LCAT: variants seen among roughly 807,000 people sequenced by gnomAD.
LCAT encodes lecithin-cholesterol acyltransferase.
In LCAT, 15 loss-of-function variants were observed where a neutral mutation model predicts 41.0. That is an observed-to-expected ratio of 0.37 (90% CI 0.24 to 0.56). The LOEUF (loss-of-function observed/expected upper bound fraction) is 0.56. Ranked by LOEUF, LCAT falls within the 20% of genes least tolerant of loss-of-function variation. The pLI, the probability that LCAT is intolerant of heterozygous loss-of-function variation, is 0.81. For synonymous variants in LCAT, 248 were observed against 245.4 expected, an observed-to-expected ratio of 1.01 and a Z score of -0.10; for missense variants, 449 against 595.1, an observed-to-expected ratio of 0.75 and a Z score of 2.55.
At position 67,943,783 on chromosome 16, in the gene LCAT, C is replaced by T. The variant is rs2058309481; in HGVS notation, c.154+165G>A. On this transcript the variant is annotated intron_variant, in intron 1 of 5. Transcript: ENST00000264005. This position sits in a 1 kb window ranked among gnomAD's most constrained non-coding sequence, Gnocchi z 4.6. Reference sequence around the variant, plus strand: ...CACAGTGTGGTGGGAGAAGGGACGTCATTCCTCTAAGGGACAAGCTTTTGG... The same window carrying T: ...CACAGTGTGGTGGGAGAAGGGACGTTATTCCTCTAAGGGACAAGCTTTTGG... 1.5e-6 allele frequency: 1 copy of T among 665,288 alleles called. No homozygotes were observed. The highest frequency in any genetic ancestry group is 2.5e-6 in the Non-Finnish European group (1 of 397,642). 41.2% of individuals were successfully genotyped at this position (665,288 alleles called of 1,614,324 possible).
At position 67,942,984 on chromosome 16, in the gene LCAT, G is replaced by T; in HGVS notation, c.312-8C>A. ...CTCCGGTTGTAGACAACCCTGCGGG[G>T]CGGGGGTGCCACTCAGCAGCCAGTA... On this transcript the variant is annotated splice_region_variant and splice_polypyrimidine_tract_variant and intron_variant, in intron 2 of 5. Transcript: ENST00000264005. This position sits in a 1 kb window ranked among gnomAD's most constrained non-coding sequence, Gnocchi z 6.6. 1 of 1,613,798 alleles carries T rather than the reference G, an allele frequency of 6.2e-7. No homozygotes were observed. The highest frequency in any genetic ancestry group is 8.5e-7 in the Non-Finnish European group (1 of 1,179,930).
chr16:67,941,912 T>G (rs2058293428), intron 5 of LCAT: 2 of 1,134,662 alleles, frequency 1.8e-6, no homozygotes, highest in East Asian at 6.3e-5. Context: ...GGGTGGGGAG[T>G]AGGTGGTAGC....
rs762281391 is a variant in LCAT, at chr16:67,939,951, G to T, written c.1276C>A (p.Pro426Thr). 6.2e-7 allele frequency: 1 copy of T among 1,613,590 alleles called. No homozygotes were observed. Among genetic ancestry groups the T allele is most frequent in the South Asian group, 1.1e-5 (1 of 91,088 alleles). ...AILLGAYRQG[P>T]PASPTASPEP... ...GGGCTGGCAGTCGGGGATGCAGGGG[G>T]ACCCTGGCGGTAGGCACCCAGCAGG... The change falls in exon 6 of 6, where the codon CCC (proline) becomes ACC (threonine). Residue 426 changes from proline (P) to threonine (T), a missense_variant. Transcript: ENST00000264005.
At position 67,942,892 on chromosome 16, in the gene LCAT, AG is replaced by A; in HGVS notation, c.395del (p.Ser132LeufsTer132). 1 of 1,613,804 alleles carries A rather than the reference AG, an allele frequency of 6.2e-7. No individual in the cohort carries two copies. On this transcript the variant is annotated frameshift_variant, in exon 3 of 6. Coordinates refer to ENST00000264005, the MANE Select transcript of LCAT (RefSeq NM_000229.2). LOFTEE classifies it high-confidence loss of function. This position sits in a 1 kb window ranked among gnomAD's most constrained non-coding sequence, Gnocchi z 6.6. The stretch of plus-strand genomic sequence containing the variant: ...GCTTGCTGCTGTCCAGGTACTCCAC[AG>A]AGTAGGTCTTGCCAAAGCCAGGGAC... Reference protein sequence around the residue: ...IRVPGFGKTYSVEYLDSSKLA... With the variant: ...IRVPGFGKTYXVEYLDSSKLA...
At position 67,940,388 on chromosome 16, in the gene LCAT, C is replaced by G; in HGVS notation, c.839G>C (p.Arg280Pro). The change falls in exon 6 of 6, where the codon CGC becomes CCC. Residue 280 changes from arginine (R) to proline (P), a missense_variant. Transcript: ENST00000264005. ...CACGTGGTCCTCAGGCCACGCCATG[C>G]GAGAGGGAAACATCCAGGGGGAGGT... ...TTTSPWMFPS[R>P]MAWPEDHVFI... 1 of 1,614,096 alleles carries G rather than the reference C, an allele frequency of 6.2e-7. No homozygotes were observed. Among genetic ancestry groups the G allele is most frequent in the Non-Finnish European group, 8.5e-7 (1 of 1,180,026 alleles).
At position 67,943,117 on chromosome 16, in the gene LCAT, T is replaced by C; in HGVS notation, c.250A>G (p.Ile84Val). ...AGGAACATGTTGAGATCCAGCCAGA[T>C]GGTGAAGAAGTCCTCTGTCTTGCGG... Reference protein sequence around the residue: ...CYRKTEDFFTIWLDLNMFLPL... With the variant: ...CYRKTEDFFTVWLDLNMFLPL... Residue 84 changes from isoleucine to valine, a missense_variant, in exon 2 of 6, where the codon ATC becomes GTC. Transcript: ENST00000264005. The surrounding 1 kb of genome is among the most constrained non-coding windows in gnomAD (Gnocchi z 4.6). 1 of 1,614,042 alleles carries C rather than the reference T, an allele frequency of 6.2e-7. No individual in the cohort carries two copies.
Position 67,943,350 on chromosome 16 carries a change from C to T in LCAT, c.155-138G>A. The stretch of plus-strand genomic sequence containing the variant: ...CCCAGGTACAAAGCACACTTACCCT[C>T]CCCTGCTTACACCCCCTCTCCCTGC... On this transcript the variant is annotated intron_variant, in intron 1 of 5. Coordinates refer to ENST00000264005, the MANE Select transcript of LCAT (RefSeq NM_000229.2). This position sits in a 1 kb window ranked among gnomAD's most constrained non-coding sequence, Gnocchi z 4.6. 5.1e-6 allele frequency: 4 copies of T among 781,492 alleles called. No homozygotes were observed. Among genetic ancestry groups the T allele is most frequent in the Non-Finnish European group, 6.4e-6 (3 of 465,140 alleles). 48.4% of individuals were successfully genotyped at this position (781,492 alleles called of 1,614,324 possible).
chr16:67,943,917 G>A lies in LCAT; in HGVS notation c.154+31C>T, dbSNP rs772234006. 37 of 1,529,248 alleles carry A rather than the reference G, an allele frequency of 2.4e-5. No individual in the cohort carries two copies. The highest frequency in any genetic ancestry group is 3.0e-5 in the Non-Finnish European group (34 of 1,133,562). The allele number at this position is 1,529,248 out of a possible 1,614,324, so 94.7% of individuals were successfully genotyped here. On this transcript the variant is annotated intron_variant, in intron 1 of 5. Coordinates refer to ENST00000264005, the MANE Select transcript of LCAT (RefSeq NM_000229.2). This position sits in a 1 kb window ranked among gnomAD's most constrained non-coding sequence, Gnocchi z 4.6. ...GGGCCCAGGCTCCCCAGGGTCTGGC[G>A]TGGTGCATCAGGGGCCTGGTGGGGG...
In LCAT at chr16:67,942,565, G is replaced by A. The variant is rs770863885; in HGVS notation, c.546C>T (p.Arg182=). ...LEPGQQEEYY[R]KLAGLVEEMH... is the part of the protein sequence containing the mutation. ...TCTCCTCCACCAGCCCTGCGAGCTT[G>A]CGGTAGTACTCCTCCTGCTGGCCTG... Residue 182 remains arginine (R), a synonymous_variant, in exon 5 of 6, where the codon CGC becomes CGT. Transcript: ENST00000264005. This position sits in a 1 kb window ranked among gnomAD's most constrained non-coding sequence, Gnocchi z 6.6. The A allele has an allele frequency of 1.9e-6, 3 of 1,613,456 alleles. No homozygotes were observed. The highest frequency in any genetic ancestry group is 2.5e-6 in the Non-Finnish European group (3 of 1,179,998).
Position 67,943,881 on chromosome 16 carries a change from G to A in LCAT, c.154+67C>T, listed in dbSNP as rs1021616469. ...CAGAAGGGCTTTGGCCAGGTCAGCT[G>A]CCAGGGGCTGGGGCCCAGGCTCCCC... On this transcript the variant is annotated intron_variant, in intron 1 of 5. Coordinates refer to ENST00000264005, the MANE Select transcript of LCAT (RefSeq NM_000229.2). The surrounding 1 kb of genome is among the most constrained non-coding windows in gnomAD (Gnocchi z 4.6). 24 of 1,433,282 alleles carry A rather than the reference G, an allele frequency of 1.7e-5. No homozygotes were observed. The African/African-American group carries it at 3.1e-4, about 19-fold the overall frequency. The allele number at this position is 1,433,282 out of a possible 1,614,324, so 88.8% of individuals were successfully genotyped here.
At position 67,943,812 on chromosome 16, in the gene LCAT, C is replaced by T. The variant is rs939781889; in HGVS notation, c.154+136G>A. Reference sequence around the variant, plus strand: ...CCTCTAAGGGACAAGCTTTTGGCCCCTCCCCACACCAGGGCAGGTACTTAT... The same window carrying T: ...CCTCTAAGGGACAAGCTTTTGGCCCTTCCCCACACCAGGGCAGGTACTTAT... On this transcript the variant is annotated intron_variant, in intron 1 of 5. Transcript: ENST00000264005. The surrounding 1 kb of genome is among the most constrained non-coding windows in gnomAD (Gnocchi z 4.6). 2.4e-6 allele frequency: 2 copies of T among 825,182 alleles called. No individual in the cohort carries two copies. Among genetic ancestry groups the T allele is most frequent in the Admixed American group, 3.0e-5 (1 of 33,538 alleles). 51.1% of individuals were successfully genotyped at this position (825,182 alleles called of 1,614,324 possible).
At chr16:67,941,902 G>A (rs2151320574) in intron 5 of LCAT, 1 of 1,147,112 alleles carries the variant, frequency 8.7e-7, no homozygotes, top group African/African-American at 1.6e-5. Flanking sequence ...AGGGTACAGG[G>A]GGTGGGGAGT....
Position 67,940,149 on chromosome 16 carries a change from G to T in LCAT, c.1078C>A (p.Pro360Thr), listed in dbSNP as rs199711526. 5.1e-5 allele frequency: 83 copies of T among 1,613,636 alleles called. No individual in the cohort carries two copies. Among genetic ancestry groups the T allele is most frequent in the Non-Finnish European group, 5.3e-5 (63 of 1,180,024 alleles). ...IYDHGFPYTD[P>T]VGVLYEDGDD... is the part of the protein sequence containing the mutation. ...CCATCCTCATAGAGCACACCCACAGGGTCCGTGTAGGGGAAGCCGTGGTCG... is the reference window on the plus strand; with the variant it reads ...CCATCCTCATAGAGCACACCCACAGTGTCCGTGTAGGGGAAGCCGTGGTCG... The change falls in exon 6 of 6, where the codon CCT becomes ACT. Residue 360 changes from proline (P) to threonine (T), a missense_variant. Pro to Thr is a conservative substitution (Grantham distance 38). Transcript: ENST00000264005.
chr16:67,941,963 G>A (rs981863577), intron 5 of LCAT: 1 of 1,192,172 alleles, frequency 8.4e-7, no homozygotes, highest in African/African-American at 1.6e-5. Context: ...CTAGGGAAGA[G>A]CAGGTGGGGC....
Position 67,939,787 on chromosome 16 carries a change from C to G in LCAT, c.*117G>C, listed in dbSNP as rs951047365. 1 of 1,518,042 alleles carries G rather than the reference C, an allele frequency of 6.6e-7. No individual in the cohort carries two copies. The highest frequency in any genetic ancestry group is 1.4e-5 in the African/African-American group (1 of 72,358). 94.0% of individuals were successfully genotyped at this position (1,518,042 alleles called of 1,614,324 possible). The stretch of plus-strand genomic sequence containing the variant: ...GGCCTCAGCAGAGCCCATCTTGCCT[C>G]ACTGCACACAGCACTGAGCCTGTGG... On this transcript the variant is annotated 3_prime_UTR_variant, in exon 6 of 6. Coordinates refer to ENST00000264005, the MANE Select transcript of LCAT (RefSeq NM_000229.2).
chr16:67,943,033 T>C lies in LCAT; in HGVS notation c.311+23A>G. On this transcript the variant is annotated intron_variant, in intron 2 of 5. Transcript: ENST00000264005. The surrounding 1 kb of genome is among the most constrained non-coding windows in gnomAD (Gnocchi z 4.6). ...TAGCCAAGGGGCAGCGTGTTGGGGC[T>C]AGGGTGGAGCACATGGCTGTACCTG... 6.2e-7 allele frequency: 1 copy of C among 1,613,808 alleles called. No homozygotes were observed. Among genetic ancestry groups the C allele is most frequent in the Non-Finnish European group, 8.5e-7 (1 of 1,179,856 alleles).
At chr16:67,940,515 C>T (rs757094557) in intron 5 of LCAT, 37 bp from the exon 6 acceptor site, 2 of 1,611,090 alleles carry the variant, frequency 1.2e-6, no homozygotes, top group Non-Finnish European at 1.7e-6. Flanking sequence ...GGGAGCCAGG[C>T]CTGGCTACCC....
chr16:67,940,302 G>A lies in LCAT; in HGVS notation c.925C>T (p.Leu309=), dbSNP rs149389101. The A allele has an allele frequency of 1.9e-6, 3 of 1,614,146 alleles. No homozygotes were observed. In the South Asian group the frequency reaches 3.3e-5, roughly 18 times the overall value. ...GRDFQRFFAD[L]HFEEGWYMWL... ...ATGTACCAGCCTTCCTCAAAGTGCA[G>A]GTCTGCAAAGAAGCGTTGGAAGTCA... Residue 309 remains leucine (L), a synonymous_variant, in exon 6 of 6, where the codon CTG becomes TTG. Coordinates refer to ENST00000264005, the MANE Select transcript of LCAT (RefSeq NM_000229.2).
rs2151321661 is a variant in LCAT, at chr16:67,943,600, C to T, written c.154+348G>A. 2.0e-6 allele frequency: 1 copy of T among 507,356 alleles called. No homozygotes were observed. The highest frequency in any genetic ancestry group is 2.2e-5 in the South Asian group (1 of 45,166). The allele number at this position is 507,356 out of a possible 1,614,324, so 31.4% of individuals were successfully genotyped here. A position where few individuals can be genotyped will look rare whatever the true frequency, so the allele number is the denominator to read the frequency against. Reference sequence around the variant, plus strand: ...TCCTGCTCACCGATCCTGGGCTGGGCATCTTGTCCTTGGTGGGTGGGGGCC... The same window carrying T: ...TCCTGCTCACCGATCCTGGGCTGGGTATCTTGTCCTTGGTGGGTGGGGGCC... On this transcript the variant is annotated intron_variant, in intron 1 of 5. Transcript: ENST00000264005. The surrounding 1 kb of genome is among the most constrained non-coding windows in gnomAD (Gnocchi z 4.6).
Sources: allele counts gnomAD v4.1 joint callset, GRCh38; gene constraint gnomAD v4.1.1; non-coding constraint Gnocchi (gnomAD v3.1); transcripts MANE v1.5; gene names NCBI Gene and HGNC (gene_info 2026-07-23, HGNC 2026-07-21).